Variants in RSPO2 observed in about 807,000 individuals in gnomAD.
The protein encoded by RSPO2 is R-spondin 2, also known as R-spondin-2.
RSPO2 carries 14 observed loss-of-function variants against 30.9 expected under a neutral mutation model. The ratio of observed to expected loss-of-function variants is 0.45; its 90% CI spans 0.30 to 0.71. The LOEUF (loss-of-function observed/expected upper bound fraction) is 0.71, where lower values mean the gene tolerates loss of function less well. Ranked by LOEUF, RSPO2 falls within the 30% of genes least tolerant of loss-of-function variation. The pLI is 0.08. For synonymous variants in RSPO2, 107 were observed against 96.4 expected, an observed-to-expected ratio of 1.11 and a Z score of -0.64; for missense variants, 264 against 301.9, an observed-to-expected ratio of 0.87 and a Z score of 0.93.
chr8:108,058,053 C>A (rs1419003429), intron 2 of RSPO2, among the ~76,000 whole-genome samples: 1 of 152,038 alleles, frequency 6.6e-6, no homozygotes, highest in Non-Finnish European at 1.5e-5. Flanking sequence ...TGTCTTGTGC[C>A]AGTTTTCAAA....
chr8:107,910,521 A>C (rs966450813), intron 5 of RSPO2, among the ~76,000 whole-genome samples: 2 of 152,174 alleles, frequency 1.3e-5, no homozygotes, highest in African/African-American at 4.8e-5. Context: ...TGACAAAGCA[A>C]TACCCTGTCT....
intron 3 of RSPO2, chr8:107,983,231 CG>C: frequency 6.3e-7 from 1 of 1,576,630 alleles, no homozygotes; most frequent in South Asian, 1.2e-5. Context: ...AAGGCTGCAG[CG>C]TATCTTTCTG....
chr8:107,980,417 T>G (rs1394537902), intron 3 of RSPO2, among the ~76,000 whole-genome samples: 1 of 152,208 alleles, frequency 6.6e-6, no homozygotes, highest in Non-Finnish European at 1.5e-5. Context: ...TCACCAGGCT[T>G]TCTTAATTCC....
At chr8:108,074,313 AAG>A (rs1246718628) in intron 2 of RSPO2, among the ~76,000 whole-genome samples, 1 of 152,230 alleles carries the variant, frequency 6.6e-6, no homozygotes, top group Non-Finnish European at 1.5e-5. Flanking sequence ...AGTAAAAAAT[AAG>A]AGATATTTAA....
chr8:108,046,195 T>C (rs1393457281), intron 2 of RSPO2, among the ~76,000 whole-genome samples: 3 of 152,166 alleles, frequency 2.0e-5, no homozygotes, highest in Non-Finnish European at 2.9e-5. Context: ...TACGGCTTTA[T>C]GAAAAGAAAA....
At position 108,067,271 on chromosome 8, in the gene RSPO2, A is replaced by G. The variant is rs1817079073; in HGVS notation, c.94+15274T>C. Among the ~76,000 whole-genome samples the G allele has an allele frequency of 7.2e-5, 11 of 152,184 alleles. No individual in the cohort carries two copies. In the South Asian group the frequency reaches 2.3e-3, roughly 31 times the overall value. On this transcript the variant is annotated intron_variant, in intron 2 of 5. Transcript: ENST00000276659. The stretch of plus-strand genomic sequence containing the variant: ...AAGACATTTTTGAGGCAATTGGGGA[A>G]ATCCATTACATACCGATTATTAAGA...
At chr8:107,959,241 A>G (rs1384152261) in intron 4 of RSPO2, among the ~76,000 whole-genome samples, 9 of 152,150 alleles carry the variant, frequency 5.9e-5, no homozygotes, top group Admixed American at 4.6e-4. Flanking sequence ...TATTCCCCAC[A>G]TTGGCGTTGT....
intron 5 of RSPO2, among the ~76,000 whole-genome samples, chr8:107,901,716 A>G (rs1811474262): frequency 6.6e-6 from 1 of 152,132 alleles, no homozygotes; most frequent in Non-Finnish European, 1.5e-5. Context: ...GCAATCCTTT[A>G]TTTTCTATAA....
At chr8:108,031,319 G>C (rs1239325725) in intron 2 of RSPO2, among the ~76,000 whole-genome samples, 1 of 152,202 alleles carries the variant, frequency 6.6e-6, no homozygotes, top group Non-Finnish European at 1.5e-5. Flanking sequence ...TCAGGAAGTT[G>C]TAAGAGTAAA....
intron 5 of RSPO2, among the ~76,000 whole-genome samples, chr8:107,951,818 T>A (rs1185460971): frequency 6.6e-6 from 1 of 152,098 alleles, no homozygotes; most frequent in African/African-American, 2.4e-5. Context: ...GTCCACCCCC[T>A]CATCCTCCAC....
intron 5 of RSPO2, among the ~76,000 whole-genome samples, chr8:107,927,297 C>G (rs563884826): frequency 2.8e-4 from 43 of 152,286 alleles, no homozygotes; most frequent in Non-Finnish European, 4.6e-4. Context: ...AGATTTTGGG[C>G]TGAGAAGATG....
intron 2 of RSPO2, among the ~76,000 whole-genome samples, chr8:108,011,211 GAAAGGAAAAGGA>G (rs200666974): frequency 6.7e-6 from 1 of 150,044 alleles, no homozygotes; most frequent in Non-Finnish European, 1.5e-5. Flanking sequence ...AAAAGGAAAG[GAAAGGAAAAGGA>G]AAAGGGAAAG....
At chr8:107,914,284 G>C (rs1281156703) in intron 5 of RSPO2, among the ~76,000 whole-genome samples, 3 of 152,076 alleles carry the variant, frequency 2.0e-5, no homozygotes, top group African/African-American at 7.2e-5. Flanking sequence ...GTAAACATAA[G>C]ATGGCCACTG....
chr8:108,031,853 GA>G (rs71308772), intron 2 of RSPO2, among the ~76,000 whole-genome samples: 10 of 149,286 alleles, frequency 6.7e-5, no homozygotes, highest in Middle Eastern at 3.4e-3. Flanking sequence ...AAAAGAAGAG[GA>G]AAAAAAAAAG....
chr8:107,901,223 G>A, intron 5 of RSPO2, 33 bp from the exon 6 acceptor site: 1 of 1,583,122 alleles, frequency 6.3e-7, no homozygotes, highest in Non-Finnish European at 8.6e-7. Flanking sequence ...AGAGATGTCA[G>A]AAATGGCTCT....
At chr8:107,970,266 TTCG>T (rs1454474673) in intron 3 of RSPO2, among the ~76,000 whole-genome samples, 2 of 152,214 alleles carry the variant, frequency 1.3e-5, no homozygotes, top group African/African-American at 4.8e-5. Context: ...TAATATCATT[TTCG>T]TGTGTCACAA....
chr8:108,022,443 C>T (rs1224177627), intron 2 of RSPO2, among the ~76,000 whole-genome samples: 4 of 152,038 alleles, frequency 2.6e-5, no homozygotes, highest in African/African-American at 7.2e-5. Context: ...TCCCCAAACA[C>T]GTATGAGAGT....
intron 2 of RSPO2, among the ~76,000 whole-genome samples, chr8:108,038,435 G>T (rs1811659473): frequency 6.6e-6 from 1 of 152,172 alleles, no homozygotes; most frequent in South Asian, 2.1e-4. Flanking sequence ...AACAACAACA[G>T]ATGATTTAGA....
chr8:108,060,369 G>A (rs574145898), intron 2 of RSPO2, among the ~76,000 whole-genome samples: 10 of 151,916 alleles, frequency 6.6e-5, no homozygotes, highest in South Asian at 2.1e-4. Context: ...AACATGTCAG[G>A]AGAACTACAT....
Sources: gnomAD v4.1 joint callset for allele counts (sites outside exome capture counted in the v4.1 genomes callset) on GRCh38, gnomAD v4.1.1 for gene constraint, MANE v1.5 for transcripts, NCBI Gene and HGNC (gene_info 2026-07-23, HGNC 2026-07-21) for gene names.